MC2R: variants seen among roughly 807,000 people sequenced by gnomAD.
MC2R encodes adrenocorticotropic hormone receptor.
A neutral mutation model predicts 9.8 loss-of-function variants in MC2R; 9 were observed. The observed-to-expected ratio is 0.92, with a 90% CI of 0.55 to 1.60. The LOEUF is 1.60. Ranked by LOEUF, MC2R falls within the 40% of genes most tolerant of loss-of-function variation. The probability of loss-of-function intolerance (pLI) is 0.00; values close to 1 mark genes in which losing one functional copy is unlikely to be tolerated. For missense variants in MC2R, 370 were observed against 389.0 expected (o/e 0.95, Z 0.41); for synonymous variants, 185 against 154.7 (o/e 1.20, Z -1.45).
chr18:13,903,014 T>C (rs753533948), intron 1 of MC2R, among the ~76,000 whole-genome samples: 4 of 152,166 alleles, frequency 2.6e-5, no homozygotes, highest in Admixed American at 6.5e-5. Context: ...AATAATCTGA[T>C]TTTTAAAATG....
In MC2R at chr18:13,885,063, C is replaced by A. The variant is rs760107296; in HGVS notation, c.456G>T (p.Thr152=). The change falls in exon 2 of 2, where the codon ACG becomes ACT. Residue 152 remains threonine, a synonymous_variant. Coordinates refer to ENST00000327606, the MANE Select transcript of MC2R (RefSeq NM_000529.2). ...VTMRRTVVVL[T]VIWTFCTGTG... ...TCCCCGTGCAGAACGTCCAGATGAC[C>A]GTAAGCACCACCACAGTGCGGCGCA... 1.2e-5 allele frequency: 20 copies of A among 1,614,016 alleles called. No homozygotes were observed. In the South Asian group the frequency reaches 2.2e-4, roughly 18 times the overall value.
At position 13,883,178 on chromosome 18, in the gene MC2R, T is replaced by C. The variant is rs574147366; in HGVS notation, c.*1447A>G. ...GCATTGCCTGTTCTGGAAGATACCA[T>C]CCATCCTGCAGATCCTGAGCCTGGT... On this transcript the variant is annotated 3_prime_UTR_variant, in exon 2 of 2. Coordinates refer to ENST00000327606, the MANE Select transcript of MC2R (RefSeq NM_000529.2). 6.6e-6 allele frequency: 1 copy of C among 152,572 alleles called. No homozygotes were observed. The highest frequency in any genetic ancestry group is 2.4e-5 in the African/African-American group (1 of 41,566). The allele number at this position is 152,572 out of a possible 1,614,324, so 9.5% of individuals were successfully genotyped here. A position where few individuals can be genotyped will look rare whatever the true frequency, so the allele number is the denominator to read the frequency against.
intron 1 of MC2R, among the ~76,000 whole-genome samples, chr18:13,901,347 G>A (rs1033106357): frequency 2.0e-5 from 3 of 151,712 alleles, no homozygotes; most frequent in African/African-American, 7.3e-5. Flanking sequence ...AGAAAAGCAA[G>A]AGCAAACCAA....
chr18:13,886,412 C>T (rs752739378), intron 1 of MC2R, among the ~76,000 whole-genome samples: 63 of 152,268 alleles, frequency 4.1e-4, no homozygotes, highest in Non-Finnish European at 7.2e-4. Flanking sequence ...TGAACAGCAG[C>T]GGTGCCCTTG....
chr18:13,899,059 C>A (rs2045363619), intron 1 of MC2R, among the ~76,000 whole-genome samples: 1 of 152,078 alleles, frequency 6.6e-6, no homozygotes, highest in Admixed American at 6.6e-5. Flanking sequence ...GATATATGAC[C>A]TTTCAGACAG....
chr18:13,886,009 T>C (rs921317271), intron 1 of MC2R, among the ~76,000 whole-genome samples: 6 of 151,582 alleles, frequency 4.0e-5, no homozygotes, highest in African/African-American at 7.3e-5. Flanking sequence ...TTCTCACTTA[T>C]ATGTGGGAGC....
chr18:13,908,440 G>C (rs995030057), intron 1 of MC2R, among the ~76,000 whole-genome samples: 2 of 152,150 alleles, frequency 1.3e-5, no homozygotes, highest in Non-Finnish European at 2.9e-5. Flanking sequence ...GAAGAAATAA[G>C]AGCTAGTGTT....
intron 1 of MC2R, among the ~76,000 whole-genome samples, chr18:13,899,071 G>A (rs969906441): frequency 6.6e-6 from 1 of 152,122 alleles, no homozygotes; most frequent in Non-Finnish European, 1.5e-5. Flanking sequence ...TTCAGACAGA[G>A]AATTCAAAAC....
In MC2R at chr18:13,913,441, A is replaced by G. The variant is rs539853314; in HGVS notation, c.-129+2047T>C. 1.2e-4 allele frequency among the ~76,000 whole-genome samples: 19 copies of G among 152,318 alleles called. No individual in the cohort carries two copies. In the South Asian group the frequency reaches 3.7e-3, roughly 30 times the overall value. ...GTTGATTAGTCTCTGTAGTTTGCAC[A>G]TGTTGTTCTCCCACCAAGTCAGGCT... On this transcript the variant is annotated intron_variant, in intron 1 of 1. Coordinates refer to ENST00000327606, the MANE Select transcript of MC2R (RefSeq NM_000529.2).
At chr18:13,891,011 G>A (rs1033107243) in intron 1 of MC2R, among the ~76,000 whole-genome samples, 1 of 152,196 alleles carries the variant, frequency 6.6e-6, no homozygotes, top group Non-Finnish European at 1.5e-5. Context: ...GCACAGTTCT[G>A]AGAACATTTC....
At chr18:13,897,143 C>T (rs552409805) in intron 1 of MC2R, among the ~76,000 whole-genome samples, 1 of 152,322 alleles carries the variant, frequency 6.6e-6, no homozygotes, top group East Asian at 1.9e-4. Flanking sequence ...TCTCAAATTG[C>T]AGACACCACC....
At chr18:13,895,676 T>G (rs796122010) in intron 1 of MC2R, among the ~76,000 whole-genome samples, 30 of 152,254 alleles carry the variant, frequency 2.0e-4, no homozygotes, top group African/African-American at 6.7e-4. Context: ...ACAGTCTACC[T>G]CCAGGAAGGG....
intron 1 of MC2R, among the ~76,000 whole-genome samples, chr18:13,905,916 CATG>C (rs1260198434): frequency 1.3e-5 from 2 of 152,082 alleles, no homozygotes; most frequent in East Asian, 3.9e-4. Context: ...ATTAGCTGGG[CATG>C]ATGACGCACA....
intron 1 of MC2R, among the ~76,000 whole-genome samples, chr18:13,900,349 G>A (rs978560114): frequency 1.3e-5 from 2 of 151,850 alleles, no homozygotes; most frequent in African/African-American, 2.4e-5. Context: ...AAAAAAAGAA[G>A]GAAGAGAACA....
Position 13,884,358 on chromosome 18 carries a change from T to C in MC2R, c.*267A>G. On this transcript the variant is annotated 3_prime_UTR_variant, in exon 2 of 2. Coordinates refer to ENST00000327606, the MANE Select transcript of MC2R (RefSeq NM_000529.2). ...TTGAAAGTAATGGCAAAAACCTTAA[T>C]TACTTTTGTACCTACCTAATACTTT... The C allele has an allele frequency of 1.9e-6, 1 of 514,382 alleles. No individual in the cohort carries two copies. Among genetic ancestry groups the C allele is most frequent in the Non-Finnish European group, 3.5e-6 (1 of 284,274 alleles). 31.9% of individuals were successfully genotyped at this position (514,382 alleles called of 1,614,324 possible). A position where few individuals can be genotyped will look rare whatever the true frequency, so the allele number is the denominator to read the frequency against.
In MC2R at chr18:13,900,727, C is replaced by G. The variant is rs144742376; in HGVS notation, c.-129+14761G>C. On this transcript the variant is annotated intron_variant, in intron 1 of 1. Coordinates refer to ENST00000327606, the MANE Select transcript of MC2R (RefSeq NM_000529.2). ...CAATTTTAAATATATGCACCTGAGA[C>G]TGTAGCACCTAGCTATATAAAGCAA... Among the ~76,000 whole-genome samples, 40 of 152,190 alleles carry G rather than the reference C, an allele frequency of 2.6e-4. 1 individual carries two copies. In the East Asian group the frequency reaches 6.9e-3, roughly 26 times the overall value.
At chr18:13,885,689 G>A (rs1598459908) in intron 1 of MC2R, 43 bp from the exon 2 acceptor site, 3 of 706,094 alleles carry the variant, frequency 4.2e-6, no homozygotes, top group South Asian at 1.9e-5. Flanking sequence ...AAGTACACTA[G>A]AAAATAAAAA....
At chr18:13,892,152 T>C (rs535715362) in intron 1 of MC2R, among the ~76,000 whole-genome samples, 2 of 152,276 alleles carry the variant, frequency 1.3e-5, no homozygotes, top group African/African-American at 4.8e-5. Flanking sequence ...GGCTAGGGAA[T>C]GGATGACTCC....
intron 1 of MC2R, among the ~76,000 whole-genome samples, chr18:13,898,140 C>A (rs112433377): frequency 1.3e-5 from 2 of 152,112 alleles, no homozygotes; most frequent in Non-Finnish European, 2.9e-5. Flanking sequence ...CAGAGGTGAG[C>A]CCACTGCCCT....
Sources: allele counts gnomAD v4.1 joint callset (sites outside exome capture counted in the v4.1 genomes callset), GRCh38; gene constraint gnomAD v4.1.1; transcripts MANE v1.5; gene names NCBI Gene and HGNC (gene_info 2026-07-23, HGNC 2026-07-21).